Variants in NACC2 observed in about 807,000 individuals in gnomAD.
The protein encoded by NACC2 is NACC family member 2.
Under a neutral mutation model 25.1 loss-of-function variants are expected in NACC2, and 8 were observed. The ratio of observed to expected loss-of-function variants is 0.32; its 90% CI spans 0.19 to 0.57. The LOEUF is 0.57. Ranked by LOEUF, NACC2 falls within the 20% of genes least tolerant of loss-of-function variation. The pLI, the probability that NACC2 is intolerant of heterozygous loss-of-function variation, is 0.89. For synonymous variants in NACC2, 435 were observed against 294.7 expected (o/e 1.48, Z -4.88); for missense variants, 644 against 650.2 (o/e 0.99, Z 0.10).
At chr9:136,093,945 G>A (rs1588588400) in intron 1 of NACC2, among the ~76,000 whole-genome samples, 3 of 152,354 alleles carry the variant, frequency 2.0e-5, no homozygotes, top group Admixed American at 2.0e-4. Context: ...GAGGGAAGGA[G>A]GTCAGGAGCC....
intron 2 of NACC2, among the ~76,000 whole-genome samples, chr9:136,032,070 G>C (rs1377121107): frequency 7.0e-6 from 1 of 143,064 alleles, no homozygotes; most frequent in South Asian, 2.1e-4. Context: ...TTTCCCTCCC[G>C]CCAGACTCCT....
At chr9:136,026,752 A>G (rs1840398196) in intron 2 of NACC2, among the ~76,000 whole-genome samples, 1 of 152,236 alleles carries the variant, frequency 6.6e-6, no homozygotes, top group African/African-American at 2.4e-5. Context: ...AGAACAGTAT[A>G]CAAACTTTTA....
chr9:136,089,407 C>T (rs1205731722), intron 1 of NACC2, among the ~76,000 whole-genome samples: 2 of 152,062 alleles, frequency 1.3e-5, no homozygotes, highest in African/African-American at 2.4e-5. Context: ...GACTTCCAGG[C>T]GAAGGGTAGG....
chr9:136,049,374 C>T (rs1018108625), intron 2 of NACC2, among the ~76,000 whole-genome samples: 1,574 of 152,300 alleles, frequency 0.01, 13 homozygotes, highest in Non-Finnish European at 0.018. Context: ...CCCTGGGCCA[C>T]GGGACACCTG....
chr9:136,056,114 G>A lies in NACC2; in HGVS notation c.-59-5534C>T, dbSNP rs537296685. Reference sequence around the variant, plus strand: ...AGGGAGGACAAGGGGGCGGCAGGGGGCCCGGAGGTTAACCCTGGGGGGTAG... The same window carrying A: ...AGGGAGGACAAGGGGGCGGCAGGGGACCCGGAGGTTAACCCTGGGGGGTAG... On this transcript the variant is annotated intron_variant, in intron 1 of 5. Coordinates refer to ENST00000277554, the MANE Select transcript of NACC2 (RefSeq NM_144653.5). 2.6e-5 allele frequency among the ~76,000 whole-genome samples: 4 copies of A among 152,300 alleles called. No individual in the cohort carries two copies. The East Asian group carries it at 5.8e-4, about 22-fold the overall frequency.
chr9:136,087,903 G>A (rs919503210), intron 1 of NACC2, among the ~76,000 whole-genome samples: 20 of 152,172 alleles, frequency 1.3e-4, no homozygotes, highest in African/African-American at 3.4e-4. Context: ...GCCCAAGGCC[G>A]GCCGTGGCCC....
intron 2 of NACC2, among the ~76,000 whole-genome samples, chr9:136,033,471 C>G (rs1588564700): frequency 2.0e-5 from 3 of 151,612 alleles, no homozygotes; most frequent in African/African-American, 7.3e-5. Flanking sequence ...TGGTGAAACC[C>G]CTACTAAACC....
In NACC2 at chr9:136,013,230, C is replaced by A. The variant is rs7025705; in HGVS notation, c.1224G>T (p.Pro408=). Residue 408 remains proline (P), a synonymous_variant, in exon 5 of 6, where the codon CCG becomes CCT. Transcript: ENST00000277554. This position sits in a 1 kb window ranked among gnomAD's most constrained non-coding sequence, Gnocchi z 6.6. ...CAGCGTTCAGGACCCGGCTGTCCAGCGGCTTCCGGCTGGGGTCGCTGGTGG... is the reference window on the plus strand; with the variant it reads ...CAGCGTTCAGGACCCGGCTGTCCAGAGGCTTCCGGCTGGGGTCGCTGGTGG... ...RSSTSDPSRK[P]LDSRVLNAVK... 4 of 1,611,838 alleles carry A rather than the reference C, an allele frequency of 2.5e-6. No homozygotes were observed. Among genetic ancestry groups the A allele is most frequent in the Non-Finnish European group, 3.4e-6 (4 of 1,179,534 alleles).
At chr9:136,062,397 T>C (rs1219554471) in intron 1 of NACC2, among the ~76,000 whole-genome samples, 1 of 152,126 alleles carries the variant, frequency 6.6e-6, no homozygotes, top group Non-Finnish European at 1.5e-5. Context: ...TTTCTCTCTA[T>C]AGAAAAGACA....
At position 136,026,364 on chromosome 9, in the gene NACC2, A is replaced by G. The variant is rs867799305; in HGVS notation, c.887-9935T>C. On this transcript the variant is annotated intron_variant, in intron 2 of 5. Transcript: ENST00000277554. The stretch of plus-strand genomic sequence containing the variant: ...ATCTCAAAAAAAAAAAAAAAAAAAA[A>G]AAAGATAAAAGAATAGAAAATACAG... Among the ~76,000 whole-genome samples, 330 of 150,804 alleles carry G rather than the reference A, an allele frequency of 2.2e-3. 2 individuals are homozygous for G. The Middle Eastern group carries it at 0.024, about 11-fold the overall frequency.
intron 1 of NACC2, among the ~76,000 whole-genome samples, chr9:136,076,122 C>G (rs1564240648): frequency 6.6e-6 from 1 of 152,210 alleles, no homozygotes; most frequent in Non-Finnish European, 1.5e-5. Context: ...ATTTGCAACT[C>G]AGTAGTGATG....
Position 136,011,732 on chromosome 9 carries a change from A to T in NACC2, c.1548T>A (p.Val516=). ...CGGGGTTGGCGGCGGCACTCAGGTC[A>T]ACATTCACGGCGTCAGTTCTCAGAG... The part of the protein sequence containing the change: ...IVALRTDAVN[V]DLSAAANPAF... Residue 516 remains valine (V), a synonymous_variant, in exon 6 of 6, where the codon GTT becomes GTA. Transcript: ENST00000277554. The T allele has an allele frequency of 6.5e-7, 1 of 1,536,214 alleles. No homozygotes were observed. The highest frequency in any genetic ancestry group is 8.8e-7 in the Non-Finnish European group (1 of 1,141,812).
intron 2 of NACC2, among the ~76,000 whole-genome samples, chr9:136,024,944 G>A (rs1840365923): frequency 6.6e-6 from 1 of 152,224 alleles, no homozygotes; most frequent in African/African-American, 2.4e-5. Context: ...GCCTCAGGGT[G>A]CAATTTCGGA....
Position 136,036,558 on chromosome 9 carries a change from T to TATA in NACC2, c.886+13075_886+13077dup, listed in dbSNP as rs1212819803. ...ATACACACATATACATATACATATA[T>TATA]ATACACACGTATATTAGCTGACAAC... On this transcript the variant is annotated intron_variant, in intron 2 of 5. Transcript: ENST00000277554. Among the ~76,000 whole-genome samples, 5 of 152,134 alleles carry TATA rather than the reference T, an allele frequency of 3.3e-5. No homozygotes were observed. The East Asian group carries it at 9.6e-4, about 29-fold the overall frequency.
At chr9:136,047,403 G>C (rs1840747061) in intron 2 of NACC2, among the ~76,000 whole-genome samples, 1 of 152,244 alleles carries the variant, frequency 6.6e-6, no homozygotes, top group African/African-American at 2.4e-5. Context: ...TTATGGGCTT[G>C]CCGAACAGAA....
At chr9:136,047,573 C>G (rs1291022618) in intron 2 of NACC2, among the ~76,000 whole-genome samples, 1 of 152,222 alleles carries the variant, frequency 6.6e-6, no homozygotes, top group African/African-American at 2.4e-5. Context: ...GCGGCCTGGA[C>G]AAAGCCCTGC....
chr9:136,014,331 G>C (rs1840164829), intron 3 of NACC2, among the ~76,000 whole-genome samples: 1 of 152,088 alleles, frequency 6.6e-6, no homozygotes, highest in Non-Finnish European at 1.5e-5. Context: ...TAGAGACGGG[G>C]TCTTGCTCTG....
In NACC2 at chr9:136,092,283, G is replaced by A. The variant is rs557340449; in HGVS notation, c.-60+2906C>T. Among the ~76,000 whole-genome samples, 21 of 152,294 alleles carry A rather than the reference G, an allele frequency of 1.4e-4. 1 individual carries two copies. In the East Asian group the frequency reaches 3.9e-3, roughly 28 times the overall value. ...GGAGCTGGGTCTGCAGACACTCACC[G>A]CCGGGGAGCCTGACCGGAGATGGGG... On this transcript the variant is annotated intron_variant, in intron 1 of 5. Coordinates refer to ENST00000277554, the MANE Select transcript of NACC2 (RefSeq NM_144653.5).
intron 2 of NACC2, among the ~76,000 whole-genome samples, chr9:136,031,289 A>G (rs996242752): frequency 3.3e-5 from 5 of 152,028 alleles, no homozygotes; most frequent in Non-Finnish European, 5.9e-5. Flanking sequence ...GTCGGTATCA[A>G]TGTTAGTGCC....
Sources: gnomAD v4.1 joint callset for allele counts (sites outside exome capture counted in the v4.1 genomes callset) on GRCh38, gnomAD v4.1.1 for gene constraint, Gnocchi (gnomAD v3.1) non-coding constraint, MANE v1.5 for transcripts, NCBI Gene and HGNC (gene_info 2026-07-23, HGNC 2026-07-21) for gene names.